PRKAR1A: variants seen among roughly 807,000 people sequenced by gnomAD.
The protein encoded by PRKAR1A is protein kinase cAMP-dependent type I regulatory subunit alpha.
A neutral mutation model predicts 52.0 loss-of-function variants in PRKAR1A; 3 were observed. The observed-to-expected ratio is 0.06, with a 90% CI of 0.03 to 0.15. PRKAR1A has a LOEUF of 0.15. Ranked by LOEUF, PRKAR1A falls within the 10% of genes least tolerant of loss-of-function variation. PRKAR1A has a pLI of 1.00. For synonymous variants in PRKAR1A, 188 were observed against 168.4 expected, an observed-to-expected ratio of 1.12 and a Z score of -0.90; for missense variants, 240 against 477.4, an observed-to-expected ratio of 0.50 and a Z score of 4.63.
At chr17:68,434,708 T>C in the PRKAR1A span, 4 of 1,455,616 alleles carry the variant, frequency 2.7e-6, no homozygotes, top group African/African-American at 4.2e-5. Flanking sequence ...GTTTGTTTTA[T>C]TGGTTTTGAA....
the PRKAR1A span, among the ~76,000 whole-genome samples, chr17:68,423,833 C>T: frequency 2.0e-5 from 3 of 152,320 alleles, no homozygotes; most frequent in Admixed American, 6.5e-5. This position sits in a 1 kb window ranked among gnomAD's most constrained non-coding sequence, Gnocchi z 4.4. Context: ...ATCCACATTA[C>T]CCCAATTCTG....
chr17:68,428,853 T>C, the PRKAR1A span: 2 of 1,613,866 alleles, frequency 1.2e-6, no homozygotes, highest in Admixed American at 1.7e-5. Flanking sequence ...TAAGACACAC[T>C]CTCCTCCATC....
the PRKAR1A span, among the ~76,000 whole-genome samples, chr17:68,481,899 T>G: frequency 0.63 from 96,514 of 152,118 alleles, 31,032 homozygotes; most frequent in South Asian, 0.68. Flanking sequence ...AAAGGAGACA[T>G]ATGTGTGTCG....
upstream of PRKAR1A, among the ~76,000 whole-genome samples, chr17:68,507,985 C>T (rs1013009894): frequency 4.0e-5 from 6 of 151,794 alleles, no homozygotes; most frequent in East Asian, 5.8e-4. Context: ...TTTGTACATG[C>T]GATTATCATT....
the PRKAR1A span, among the ~76,000 whole-genome samples, chr17:68,495,973 T>TCTCTCCTCCCCTCCC: frequency 5.2e-5 from 1 of 19,356 alleles, no homozygotes; most frequent in Admixed American, 6.9e-4. Flanking sequence ...TCTCCTCTCC[T>TCTCTCCTCCCCTCCC]CTCTCCTCTC....
At chr17:68,466,986 C>A in the PRKAR1A span, among the ~76,000 whole-genome samples, 1 of 152,194 alleles carries the variant, frequency 6.6e-6, no homozygotes, top group Non-Finnish European at 1.5e-5. Context: ...TTTATCTATT[C>A]TGGATATCTC....
the PRKAR1A span, chr17:68,457,297 C>T: frequency 2.7e-4 from 411 of 1,535,078 alleles, no homozygotes; most frequent in Non-Finnish European, 3.0e-4. Context: ...TGGGTCCTGA[C>T]ACTCTGTCCC....
At chr17:68,486,786 G>A in the PRKAR1A span, among the ~76,000 whole-genome samples, 1 of 151,740 alleles carries the variant, frequency 6.6e-6, no homozygotes, top group Non-Finnish European at 1.5e-5. Flanking sequence ...TTACCTTACA[G>A]AAGTCACTCA....
At chr17:68,430,852 A>G in the PRKAR1A span, among the ~76,000 whole-genome samples, 1 of 152,226 alleles carries the variant, frequency 6.6e-6, no homozygotes, top group Non-Finnish European at 1.5e-5. Context: ...TCCCAGGAGC[A>G]GGCAACTGCT....
chr17:68,424,451 A>G, the PRKAR1A span: 4,798 of 534,740 alleles, frequency 9.0e-3, 186 homozygotes, highest in African/African-American at 0.083. Context: ...TCCTTTTACA[A>G]TTGGAAGCTC....
chr17:68,524,184 C>CTTT, intron 5 of PRKAR1A, 107 bp downstream of exon 5: 2 of 995,164 alleles, frequency 2.0e-6, no homozygotes, highest in South Asian at 1.6e-5. Context: ...GATCCTACCA[C>CTTT]TTTTTTTTTT....
rs771807792 is a variant in PRKAR1A, at chr17:68,541,983, ACTC to A, written c.974-9097_974-9095del. The A allele has an allele frequency of 2.2e-5, 35 of 1,612,030 alleles. No homozygotes were observed. Among genetic ancestry groups the A allele is most frequent in the African/African-American group, 6.7e-5 (5 of 74,624 alleles). ...GGCTGTGTGGCCTGGGGACCAACTC[ACTC>A]CTCTTTTCCTGCCAGTGTGTAGGAG... On this transcript the variant is annotated intron_variant, in intron 11 of 11. Transcript: ENST00000585981.
downstream of PRKAR1A, chr17:68,536,451 G>C (rs570578346): frequency 8.8e-6 from 4 of 454,124 alleles, no homozygotes; most frequent in South Asian, 6.2e-5. Context: ...AGGTAGAGGA[G>C]ACAAGGAATC....
At chr17:68,541,065 C>A in intron 11 of PRKAR1A, 1 of 1,513,228 alleles carries the variant, frequency 6.6e-7, no homozygotes, top group South Asian at 1.2e-5. Context: ...CCTGATCCTG[C>A]CCTGGGCTGG....
chr17:68,533,364 TA>T lies in PRKAR1A; in HGVS notation c.*2917del. 1 of 1,062,430 alleles carries T rather than the reference TA, an allele frequency of 9.4e-7. No individual in the cohort carries two copies. Among genetic ancestry groups the T allele is most frequent in the Non-Finnish European group, 1.1e-6 (1 of 877,330 alleles). 65.8% of individuals were successfully genotyped at this position (1,062,430 alleles called of 1,614,324 possible). A position where few individuals can be genotyped will look rare whatever the true frequency, so the allele number is the denominator to read the frequency against. On this transcript the variant is annotated 3_prime_UTR_variant, in exon 11 of 11. Transcript: ENST00000589228. ...ACATGTGTACCTTTTCTAGATTCAG[TA>T]ATCCCTTCCCCCCGTCCTCTGGAGT...
the PRKAR1A span, chr17:68,426,016 G>T: frequency 1.4e-6 from 2 of 1,392,132 alleles, no homozygotes; most frequent in Non-Finnish European, 2.0e-6. Context: ...CGTATGAGGC[G>T]AAGGTTTCCT....
the PRKAR1A span, among the ~76,000 whole-genome samples, chr17:68,462,748 G>A: frequency 6.6e-6 from 1 of 152,294 alleles, no homozygotes; most frequent in Non-Finnish European, 1.5e-5. Flanking sequence ...GCTGGAAATA[G>A]AATTGGCATC....
At chr17:68,427,417 C>A in the PRKAR1A span, 1 of 495,140 alleles carries the variant, frequency 2.0e-6, no homozygotes, top group Non-Finnish European at 3.6e-6. Flanking sequence ...AGTGCAGTGG[C>A]GCAATCTCGG....
chr17:68,540,605 G>A, intron 11 of PRKAR1A: 1 of 602,956 alleles, frequency 1.7e-6, no homozygotes, highest in South Asian at 1.5e-5. Context: ...GCCCACTCAG[G>A]CCCGTGGCAG....
Sources: allele counts gnomAD v4.1 joint callset (sites outside exome capture counted in the v4.1 genomes callset), GRCh38; gene constraint gnomAD v4.1.1; non-coding constraint Gnocchi (gnomAD v3.1); transcripts MANE v1.5; gene names NCBI Gene and HGNC (gene_info 2026-07-23, HGNC 2026-07-21).